Variants in ZNF407 observed in about 807,000 individuals in gnomAD.
ZNF407 encodes zinc finger protein 407.
A neutral mutation model predicts 131.2 loss-of-function variants in ZNF407; 17 were observed. The observed-to-expected ratio is 0.13, with a 90% CI of 0.09 to 0.19. The LOEUF is 0.19. Ranked by LOEUF, ZNF407 falls within the 10% of genes least tolerant of loss-of-function variation. The pLI, the probability that ZNF407 is intolerant of heterozygous loss-of-function variation, is 1.00. For missense variants in ZNF407, 2,681 were observed against 2,830.6 expected (o/e 0.95, Z 1.20); for synonymous variants, 1,156 against 1,062.0 (o/e 1.09, Z -1.72).
At chr18:74,657,083 T>G (rs1247487174) in intron 3 of ZNF407, among the ~76,000 whole-genome samples, 2 of 51,878 alleles carry the variant, frequency 3.9e-5, no homozygotes, top group African/African-American at 2.2e-4. Context: ...GTTGAACTAG[T>G]TTTTTTTTTT....
At chr18:74,869,180 A>G (rs2145170024) in intron 4 of ZNF407, among the ~76,000 whole-genome samples, 1 of 152,252 alleles carries the variant, frequency 6.6e-6, no homozygotes, top group African/African-American at 2.4e-5. Flanking sequence ...AATTCCCTTT[A>G]TTTGTTCTTT....
chr18:74,998,700 A>C (rs1972806565), intron 8 of ZNF407, among the ~76,000 whole-genome samples: 1 of 130,702 alleles, frequency 7.7e-6, no homozygotes, highest in Non-Finnish European at 1.6e-5. Context: ...AGGAAACAAC[A>C]GGTGCTGGAG....
chr18:75,016,729 T>C (rs1305874223), intron 8 of ZNF407, among the ~76,000 whole-genome samples: 1 of 152,180 alleles, frequency 6.6e-6, no homozygotes, highest in African/African-American at 2.4e-5. Flanking sequence ...AAAATTACAC[T>C]TTTGTCATCT....
chr18:74,968,633 G>T (rs1246488584), intron 8 of ZNF407, among the ~76,000 whole-genome samples: 2 of 152,144 alleles, frequency 1.3e-5, no homozygotes, highest in Non-Finnish European at 2.9e-5. Flanking sequence ...CATATTTTCA[G>T]ATGAGAAATC....
intron 7 of ZNF407, among the ~76,000 whole-genome samples, chr18:74,895,089 T>G (rs1971435816): frequency 1.3e-5 from 2 of 152,314 alleles, no homozygotes; most frequent in African/African-American, 2.4e-5. Context: ...ATTGAAGATT[T>G]ACCTCGTCAT....
intron 8 of ZNF407, among the ~76,000 whole-genome samples, chr18:74,965,637 T>C (rs1972401004): frequency 6.6e-6 from 1 of 152,208 alleles, no homozygotes; most frequent in African/African-American, 2.4e-5. Flanking sequence ...AGCACAGATA[T>C]CTTTTTGATG....
At chr18:75,057,107 C>T (rs1973570726) in intron 8 of ZNF407, among the ~76,000 whole-genome samples, 1 of 152,032 alleles carries the variant, frequency 6.6e-6, no homozygotes, top group South Asian at 2.1e-4. Context: ...AGGAACCATC[C>T]CAGCATTCTC....
chr18:74,821,850 T>C (rs1383660508), intron 4 of ZNF407, among the ~76,000 whole-genome samples: 13 of 152,216 alleles, frequency 8.5e-5, no homozygotes, highest in African/African-American at 3.1e-4. Flanking sequence ...TGCCACACTG[T>C]CTTCCACAAT....
intron 4 of ZNF407, among the ~76,000 whole-genome samples, chr18:74,851,934 A>C (rs372809772): frequency 2.6e-5 from 4 of 152,252 alleles, no homozygotes; most frequent in South Asian, 4.1e-4. Flanking sequence ...GGAATGTGCA[A>C]CTCTGATTAT....
intron 8 of ZNF407, among the ~76,000 whole-genome samples, chr18:74,963,133 C>T (rs1244943389): frequency 6.6e-6 from 1 of 151,046 alleles, no homozygotes; most frequent in African/African-American, 2.5e-5. Context: ...CTCTCATTTC[C>T]ATTGACTAAC....
At chr18:74,788,417 G>A (rs1969761670) in intron 4 of ZNF407, among the ~76,000 whole-genome samples, 1 of 152,096 alleles carries the variant, frequency 6.6e-6, no homozygotes, top group South Asian at 2.1e-4. Flanking sequence ...CTTCTGTGTA[G>A]TGGTCCAGTG....
chr18:75,052,165 T>C (rs1973508821), intron 8 of ZNF407, among the ~76,000 whole-genome samples: 2 of 152,214 alleles, frequency 1.3e-5, no homozygotes, highest in Non-Finnish European at 2.9e-5. Context: ...ATTTTATGTA[T>C]GCATGTGTAT....
intron 1 of ZNF407, among the ~76,000 whole-genome samples, chr18:74,626,722 C>G (rs575586982): frequency 1.8e-4 from 27 of 152,374 alleles, no homozygotes; most frequent in African/African-American, 6.5e-4. Flanking sequence ...ATGCTACTCA[C>G]ACATGCAGTA....
At chr18:74,740,375 C>T (rs1968520583) in intron 3 of ZNF407, among the ~76,000 whole-genome samples, 1 of 152,178 alleles carries the variant, frequency 6.6e-6, no homozygotes, top group African/African-American at 2.4e-5. Context: ...TAACCTAATA[C>T]CTTCTGCAAG....
rs553615003 is a variant in ZNF407 at position 74,828,036 on chromosome 18, C to G, written c.4877+46534C>G. Among the ~76,000 whole-genome samples the G allele has an allele frequency of 2.6e-5, 4 of 152,290 alleles. No homozygotes were observed. In the East Asian group the frequency reaches 7.7e-4, roughly 29 times the overall value. ...GCCGGTCTGCCTCGCTACTCAGGTG[C>G]TCCCTTCTCCTGGGCCTCCGCTGCT... On this transcript the variant is annotated intron_variant, in intron 4 of 8. Transcript: ENST00000299687.
Position 74,986,025 on chromosome 18 carries a change from A to T in ZNF407, c.5428+65333A>T, listed in dbSNP as rs1335076396. Among the ~76,000 whole-genome samples, 3 of 152,342 alleles carry T rather than the reference A, an allele frequency of 2.0e-5. No homozygotes were observed. The East Asian group carries it at 5.8e-4, about 29-fold the overall frequency. On this transcript the variant is annotated intron_variant, in intron 8 of 8. Coordinates refer to ENST00000299687, the MANE Select transcript of ZNF407 (RefSeq NM_017757.3). ...ACTTATGAGGATGGAATATGAAAGC[A>T]GTGTGTGTACTGCAGCATCCTGTGT...
intron 8 of ZNF407, among the ~76,000 whole-genome samples, chr18:75,056,197 C>G (rs2122277995): frequency 6.6e-6 from 1 of 152,274 alleles, no homozygotes; most frequent in South Asian, 2.1e-4. Flanking sequence ...ATAAATCTCA[C>G]TAGTTTAGCT....
chr18:74,837,462 A>G (rs1970574215), intron 4 of ZNF407, among the ~76,000 whole-genome samples: 1 of 151,976 alleles, frequency 6.6e-6, no homozygotes, highest in South Asian at 2.1e-4. Flanking sequence ...CTGGTAATAT[A>G]CTGATATCTT....
chr18:74,636,571 A>T (rs1301387418), intron 2 of ZNF407, among the ~76,000 whole-genome samples: 1 of 152,194 alleles, frequency 6.6e-6, no homozygotes, highest in African/African-American at 2.4e-5. Context: ...TGTAAGGTTT[A>T]TTTTACTGTA....
Sources: gnomAD v4.1 joint callset for allele counts (sites outside exome capture counted in the v4.1 genomes callset) on GRCh38, gnomAD v4.1.1 for gene constraint, MANE v1.5 for transcripts, NCBI Gene and HGNC (gene_info 2026-07-23, HGNC 2026-07-21) for gene names.